The following CNTNAP2 variants were observed in gnomAD, a reference collection of about 807,000 sequenced individuals.
CNTNAP2 encodes contactin associated protein 2.
CNTNAP2 carries 98 observed loss-of-function variants against 155.2 expected under a neutral mutation model. The observed-to-expected ratio is 0.63, with a 90% CI of 0.54 to 0.75. The LOEUF is 0.75. Among genes scored for constraint, CNTNAP2 ranks in the 30% least tolerant of loss-of-function variants. The pLI, the probability that CNTNAP2 is intolerant of heterozygous loss-of-function variation, is 0.00. For synonymous variants in CNTNAP2, 651 were observed against 631.2 expected (o/e 1.03, Z -0.47); for missense variants, 1,727 against 1,688.1 (o/e 1.02, Z -0.40).
At chr7:147,316,746 A>G (rs1383916131) in intron 9 of CNTNAP2, among the ~76,000 whole-genome samples, 1 of 152,228 alleles carries the variant, frequency 6.6e-6, no homozygotes, top group Non-Finnish European at 1.5e-5. Context: ...CAACATAGTC[A>G]TCAATAACTA....
rs115689145 is a variant in CNTNAP2, at chr7:147,472,705, A to G, written c.1671-13230A>G. ...TGGACAGATTGGAGCCAGTTTCCAA[A>G]CTTCTGTTTACAAAGCTTTGTTAAT... On this transcript the variant is annotated intron_variant, in intron 10 of 23. Coordinates refer to ENST00000361727, the MANE Select transcript of CNTNAP2 (RefSeq NM_014141.6). 8.1e-3 allele frequency among the ~76,000 whole-genome samples: 1,228 copies of G among 152,260 alleles called. 17 individuals carry two copies. The highest frequency in any genetic ancestry group is 0.028 in the African/African-American group (1,144 of 41,548).
At chr7:146,465,135 C>A (rs1796699568) in intron 1 of CNTNAP2, among the ~76,000 whole-genome samples, 2 of 147,304 alleles carry the variant, frequency 1.4e-5, no homozygotes, top group African/African-American at 2.5e-5. Context: ...ACACACACAC[C>A]ACACACACAC....
intron 21 of CNTNAP2, among the ~76,000 whole-genome samples, chr7:148,373,982 A>G (rs1798936091): frequency 6.6e-6 from 1 of 152,218 alleles, no homozygotes; most frequent in Non-Finnish European, 1.5e-5. Flanking sequence ...TTATATGGCA[A>G]GGTCCCGAGA....
intron 11 of CNTNAP2, among the ~76,000 whole-genome samples, chr7:147,494,072 G>A (rs139830116): frequency 1.5e-3 from 232 of 150,474 alleles, no homozygotes; most frequent in African/African-American, 5.4e-3. Context: ...GGGAAATAAT[G>A]GCAAGTGATG....
chr7:147,968,652 G>C (rs1294674859), intron 14 of CNTNAP2, among the ~76,000 whole-genome samples: 4 of 152,094 alleles, frequency 2.6e-5, no homozygotes, highest in African/African-American at 9.7e-5. Context: ...TTTTGAAAAT[G>C]AACGTAAAGG....
At chr7:147,596,987 A>G (rs1274721028) in intron 12 of CNTNAP2, among the ~76,000 whole-genome samples, 1 of 142,956 alleles carries the variant, frequency 7.0e-6, no homozygotes, top group Non-Finnish European at 1.5e-5. Context: ...AGAAGGGAGG[A>G]GTCCTCAGTT....
Position 147,173,606 on chromosome 7 carries a change from C to A in CNTNAP2, c.1348+41097C>A, listed in dbSNP as rs139627858. Among the ~76,000 whole-genome samples, 1,327 of 152,230 alleles carry A rather than the reference C, an allele frequency of 8.7e-3. 13 individuals are homozygous for A. Among genetic ancestry groups the A allele is most frequent in the Non-Finnish European group, 0.014 (967 of 68,014 alleles). On this transcript the variant is annotated intron_variant, in intron 8 of 23. Transcript: ENST00000361727. ...ATTTTGTGTATTTCGTCTACTGACC[C>A]CCACTTCAGAAATGCTCGATCTGTA...
At chr7:147,427,535 G>A (rs879395155) in intron 10 of CNTNAP2, among the ~76,000 whole-genome samples, 1 of 152,232 alleles carries the variant, frequency 6.6e-6, no homozygotes. Flanking sequence ...GGAGGCCCCC[G>A]TCATGGAGAG....
chr7:146,870,781 A>C (rs1162481473), intron 3 of CNTNAP2, among the ~76,000 whole-genome samples: 1 of 152,120 alleles, frequency 6.6e-6, no homozygotes, highest in Non-Finnish European at 1.5e-5. Flanking sequence ...GCATAATAAA[A>C]ATTTTTATTA....
In CNTNAP2 at chr7:146,845,444, T is replaced by C. The variant is rs149504130; in HGVS notation, c.402+5540T>C. 1.3e-3 allele frequency among the ~76,000 whole-genome samples: 197 copies of C among 152,298 alleles called. 1 individual carries two copies. The highest frequency in any genetic ancestry group is 4.4e-3 in the African/African-American group (184 of 41,570). ...ATCTGAGAAGTAGATATAATTCCTA[T>C]TGGGATATTTAAGTGAGATTATGTA... On this transcript the variant is annotated intron_variant, in intron 3 of 23. Transcript: ENST00000361727.
At chr7:147,783,761 G>C (rs1051283030) in intron 13 of CNTNAP2, among the ~76,000 whole-genome samples, 1 of 152,174 alleles carries the variant, frequency 6.6e-6, no homozygotes, top group East Asian at 1.9e-4. Flanking sequence ...ACCCCAGAGA[G>C]TTCCTTCTCC....
intron 1 of CNTNAP2, among the ~76,000 whole-genome samples, chr7:146,478,906 T>A (rs1189733583): frequency 6.6e-6 from 1 of 152,200 alleles, no homozygotes; most frequent in Non-Finnish European, 1.5e-5. Context: ...TGGTGTCTAC[T>A]GCCTAAGTAA....
chr7:148,242,051 T>C, intron 20 of CNTNAP2, among the ~76,000 whole-genome samples: 1 of 152,192 alleles, frequency 6.6e-6, no homozygotes, highest in East Asian at 1.9e-4. Context: ...TTTTTTTTCC[T>C]CCAAGTGCAT....
At chr7:146,846,752 G>C (rs1178900751) in intron 3 of CNTNAP2, among the ~76,000 whole-genome samples, 1 of 152,000 alleles carries the variant, frequency 6.6e-6, no homozygotes, top group Non-Finnish European at 1.5e-5. Flanking sequence ...AAAATAAGAT[G>C]CTGTTGATAA....
At chr7:147,033,408 C>T (rs1799083246) in intron 3 of CNTNAP2, among the ~76,000 whole-genome samples, 1 of 151,530 alleles carries the variant, frequency 6.6e-6, no homozygotes, top group African/African-American at 2.4e-5. Flanking sequence ...GACATCTAGC[C>T]ACATTACATA....
chr7:147,013,361 G>A (rs2129244272), intron 3 of CNTNAP2, among the ~76,000 whole-genome samples: 1 of 152,188 alleles, frequency 6.6e-6, no homozygotes, highest in Non-Finnish European at 1.5e-5. Context: ...TTTGGAATGA[G>A]AACTAAACTT....
At chr7:147,043,783 T>A in intron 3 of CNTNAP2, 124 bp from the exon 4 acceptor site, 3 of 1,191,030 alleles carry the variant, frequency 2.5e-6, no homozygotes, top group Non-Finnish European at 3.6e-6. Flanking sequence ...CTTCAAATTA[T>A]TTACGGTGTA....
chr7:146,813,323 C>T (rs1388198254), intron 2 of CNTNAP2, among the ~76,000 whole-genome samples: 3 of 152,190 alleles, frequency 2.0e-5, no homozygotes, highest in Non-Finnish European at 4.4e-5. Context: ...TGCAAAGTCA[C>T]AGGGGCGGAG....
rs1800055250 is a variant in CNTNAP2, at chr7:148,419,052, A to C, written c.*3436A>C. 6.6e-6 allele frequency: 1 copy of C among 152,268 alleles called. No homozygotes were observed. Among genetic ancestry groups the C allele is most frequent in the South Asian group, 2.1e-4 (1 of 4,832 alleles). 9.4% of individuals were successfully genotyped at this position (152,268 alleles called of 1,614,324 possible). ...AACATGCAAGTGTTCAGGTTGTGTC[A>C]AGAAGCTTTTCTTTCCTTCTATGAT... On this transcript the variant is annotated 3_prime_UTR_variant, in exon 24 of 24. Transcript: ENST00000361727.
Sources: allele counts gnomAD v4.1 joint callset (sites outside exome capture counted in the v4.1 genomes callset), GRCh38; gene constraint gnomAD v4.1.1; transcripts MANE v1.5; gene names NCBI Gene and HGNC (gene_info 2026-07-23, HGNC 2026-07-21).